MOK: variants seen among roughly 807,000 people sequenced by gnomAD.
MOK encodes MOK protein kinase.
MOK carries 59 observed loss-of-function variants against 54.2 expected under a neutral mutation model. That is an observed-to-expected ratio of 1.09 (90% CI 0.88 to 1.35). The LOEUF is 1.35. Among genes scored for constraint, MOK ranks in the 40% most tolerant of loss-of-function variants. MOK has a pLI of 0.00. For synonymous variants in MOK, 210 were observed against 202.7 expected (o/e 1.04, Z -0.31); for missense variants, 517 against 526.2 (o/e 0.98, Z 0.17).
chr14:102,293,055 C>G (rs969505150), intron 1 of MOK, among the ~76,000 whole-genome samples: 3 of 152,160 alleles, frequency 2.0e-5, no homozygotes, highest in African/African-American at 7.2e-5. Flanking sequence ...ATCGCTTGAA[C>G]CTGGGAGGCG....
intron 1 of MOK, among the ~76,000 whole-genome samples, chr14:102,300,200 T>C (rs2072006689): frequency 6.6e-6 from 1 of 151,784 alleles, no homozygotes; most frequent in Admixed American, 6.6e-5. Context: ...GGCAGGCACC[T>C]GTAATCCCAG....
rs182577455 is a variant in MOK at position 102,298,626 on chromosome 14, C to T, written c.7+6336G>A. 1.2e-3 allele frequency among the ~76,000 whole-genome samples: 179 copies of T among 152,258 alleles called. 1 individual carries two copies. The highest frequency in any genetic ancestry group is 1.8e-3 in the Non-Finnish European group (124 of 68,030). On this transcript the variant is annotated intron_variant, in intron 1 of 11. Transcript: ENST00000361847. ...GCTCTCTGTAAAACAGACCAATTGG[C>T]TCTCTGTAAAATGGACCAATCAGCA...
chr14:102,298,340 T>G (rs1348625444), intron 1 of MOK, among the ~76,000 whole-genome samples: 2 of 152,190 alleles, frequency 1.3e-5, no homozygotes, highest in Non-Finnish European at 2.9e-5. Context: ...ATCAGTACTC[T>G]GTGTCTAGCT....
intron 4 of MOK, among the ~76,000 whole-genome samples, chr14:102,256,418 T>A (rs2066956643): frequency 6.6e-6 from 1 of 151,400 alleles, no homozygotes; most frequent in Non-Finnish European, 1.5e-5. Context: ...CAAAAAAAAA[T>A]TAGCCAGGCT....
In MOK at chr14:102,229,315, T is replaced by TGGGCAGGCGACACTGCTGCG. The variant is rs762580087; in HGVS notation, c.1214_1233dup (p.Thr412ArgfsTer9). ...TATCTTCCGCCTTTCCGCACTATGG[T>TGGGCAGGCGACACTGCTGCG]GGGCAGGCGACACTGCTGCGGGGCA... On this transcript the variant is annotated frameshift_variant, in exon 12 of 12. Transcript: ENST00000361847. LOFTEE classifies it low-confidence loss of function (END_TRUNC). 19 of 1,612,144 alleles carry TGGGCAGGCGACACTGCTGCG rather than the reference T, an allele frequency of 1.2e-5. No homozygotes were observed. The highest frequency in any genetic ancestry group is 4.0e-5 in the African/African-American group (3 of 75,020).
chr14:102,284,184 C>G (rs1163091075), intron 1 of MOK, among the ~76,000 whole-genome samples: 1 of 151,926 alleles, frequency 6.6e-6, no homozygotes, highest in Non-Finnish European at 1.5e-5. Flanking sequence ...GGGTAGTTTC[C>G]ATTTTCCTGA....
intron 7 of MOK, 163 bp from the exon 8 acceptor site, chr14:102,233,952 A>G (rs765689541): frequency 1.2e-5 from 7 of 600,424 alleles, no homozygotes; most frequent in South Asian, 6.1e-5. Context: ...CTGCTACCGT[A>G]AACATCACAA....
At chr14:102,285,864 C>T (rs2153174436) in intron 1 of MOK, among the ~76,000 whole-genome samples, 1 of 152,218 alleles carries the variant, frequency 6.6e-6, no homozygotes, top group Admixed American at 6.5e-5. Flanking sequence ...TGCACTCCAG[C>T]TTGGGGGACA....
At position 102,250,872 on chromosome 14, in the gene MOK, C is replaced by T. The variant is rs751317725; in HGVS notation, c.530G>A (p.Gly177Glu). The change falls in exon 7 of 12, where the codon GGG (glycine) becomes GAG (glutamate). Residue 177 changes from glycine (G) to glutamate (E), a missense_variant. Coordinates refer to ENST00000361847, the MANE Select transcript of MOK (RefSeq NM_014226.3). ...CAGGTCCATCTTGTACGTGTAGAAC[C>T]CATCAGTGAGGAGACACTCCGGGGC... The part of the protein sequence containing the change: ...YRAPECLLTD[G>E]FYTYKMDLWS... 10 of 1,613,992 alleles carry T rather than the reference C, an allele frequency of 6.2e-6. No individual in the cohort carries two copies. The South Asian group carries it at 1.1e-4, about 18-fold the overall frequency.
chr14:102,281,295 G>C (rs747484222), intron 2 of MOK, among the ~76,000 whole-genome samples: 5 of 151,286 alleles, frequency 3.3e-5, no homozygotes, highest in Non-Finnish European at 2.9e-5. Context: ...CTGCTCTCCA[G>C]CCTAGGTGAC....
rs906826529 is a variant in MOK, at chr14:102,245,262, C to T, written c.590+5550G>A. Among the ~76,000 whole-genome samples, 4 of 152,124 alleles carry T rather than the reference C, an allele frequency of 2.6e-5. No homozygotes were observed. In the East Asian group the frequency reaches 5.8e-4, roughly 22 times the overall value. On this transcript the variant is annotated intron_variant, in intron 7 of 11. Coordinates refer to ENST00000361847, the MANE Select transcript of MOK (RefSeq NM_014226.3). The surrounding 1 kb of genome is among the most constrained non-coding windows in gnomAD (Gnocchi z 4.3). ...GAATCTCTCCCACTCCAGGTTCCCA[C>T]GCCACCCCTAATCCCACTCGAAGCA...
chr14:102,250,596 T>C (rs543666281), intron 7 of MOK, among the ~76,000 whole-genome samples: 47 of 152,240 alleles, frequency 3.1e-4, no homozygotes, highest in Non-Finnish European at 4.3e-4. Context: ...GGAGAACAAC[T>C]GAGGGCTGGT....
At chr14:102,223,345 A>T (rs968374309), downstream of MOK, 4 of 152,576 alleles carry the variant, frequency 2.6e-5, no homozygotes, top group African/African-American at 4.8e-5. Flanking sequence ...TTCTGACGTA[A>T]TGTAATTCAG....
At chr14:102,293,860 A>C (rs184980431) in intron 1 of MOK, among the ~76,000 whole-genome samples, 13 of 152,340 alleles carry the variant, frequency 8.5e-5, no homozygotes, top group African/African-American at 3.1e-4. Flanking sequence ...CAATGAATAC[A>C]CATTACTTTA....
chr14:102,247,555 G>A (rs1403885801), intron 7 of MOK: 1 of 152,184 alleles, frequency 6.6e-6, no homozygotes, highest in Non-Finnish European at 1.5e-5. Flanking sequence ...TGAGACTGCG[G>A]GATTAACCAC....
chr14:102,271,143 C>T (rs2068320265), intron 2 of MOK, among the ~76,000 whole-genome samples: 1 of 152,204 alleles, frequency 6.6e-6, no homozygotes, highest in Admixed American at 6.5e-5. Context: ...CAAGACTGCA[C>T]CACTGCATTC....
At chr14:102,280,872 C>T (rs1414263860) in intron 2 of MOK, 1 of 152,210 alleles carries the variant, frequency 6.6e-6, no homozygotes, top group Non-Finnish European at 1.5e-5. Flanking sequence ...GTTCTTCACC[C>T]GCTAGAGAAC....
At chr14:102,223,580 A>G (rs570993547), downstream of MOK, 23 of 152,650 alleles carry the variant, frequency 1.5e-4, 1 homozygote, top group South Asian at 4.2e-4. Context: ...TAATTCTGCA[A>G]TTGGGGAAAA....
In MOK at chr14:102,257,846, A is replaced by G. The variant is rs145691759; in HGVS notation, c.283+5700T>C. Reference sequence around the variant, plus strand: ...ACAAAAATTAGCAGGGCGTGGTGGCACGCACCTGTAGTCCCAGCTACTTGG... The same window carrying G: ...ACAAAAATTAGCAGGGCGTGGTGGCGCGCACCTGTAGTCCCAGCTACTTGG... On this transcript the variant is annotated intron_variant, in intron 4 of 11. Coordinates refer to ENST00000361847, the MANE Select transcript of MOK (RefSeq NM_014226.3). Among the ~76,000 whole-genome samples the G allele has an allele frequency of 4.6e-3, 703 of 152,152 alleles. 6 individuals carry two copies. The highest frequency in any genetic ancestry group is 0.016 in the African/African-American group (652 of 41,520).
Sources: allele counts gnomAD v4.1 joint callset (sites outside exome capture counted in the v4.1 genomes callset), GRCh38; gene constraint gnomAD v4.1.1; non-coding constraint Gnocchi (gnomAD v3.1); transcripts MANE v1.5; gene names NCBI Gene and HGNC (gene_info 2026-07-23, HGNC 2026-07-21).